The following ALKBH1 variants were observed in gnomAD, a reference collection of about 807,000 sequenced individuals.
ALKBH1 encodes nucleic acid dioxygenase ALKBH1.
Under a neutral mutation model 36.6 loss-of-function variants are expected in ALKBH1, and 31 were observed. That is an observed-to-expected ratio of 0.85 (90% CI 0.64 to 1.14). The LOEUF (loss-of-function observed/expected upper bound fraction) is 1.14, where lower values mean the gene tolerates loss of function less well. Among genes scored for constraint, ALKBH1 ranks in the 50% most tolerant of loss-of-function variants. The pLI is 0.00. For synonymous variants in ALKBH1, 183 were observed against 186.6 expected (o/e 0.98, Z 0.16); for missense variants, 490 against 497.3 (o/e 0.99, Z 0.14).
At chr14:77,706,110 T>C (rs965156340) in intron 1 of ALKBH1, among the ~76,000 whole-genome samples, 9 of 151,784 alleles carry the variant, frequency 5.9e-5, no homozygotes, top group African/African-American at 1.7e-4. Flanking sequence ...CACACACATA[T>C]ATATATATAT....
intron 3 of ALKBH1, among the ~76,000 whole-genome samples, chr14:77,688,553 C>CTTT (rs11395756): frequency 8.7e-5 from 11 of 125,918 alleles, no homozygotes; most frequent in African/African-American, 1.9e-4. Flanking sequence ...TGCACCCAGC[C>CTTT]TTTTTTTTTT....
chr14:77,707,221 G>A (rs758885104), intron 1 of ALKBH1, among the ~76,000 whole-genome samples: 4 of 152,218 alleles, frequency 2.6e-5, no homozygotes, highest in Non-Finnish European at 4.4e-5. Context: ...CGGGATTACA[G>A]GCTTGAGCCA....
intron 3 of ALKBH1, among the ~76,000 whole-genome samples, chr14:77,684,150 T>C (rs1232497044): frequency 1.3e-5 from 2 of 152,192 alleles, no homozygotes; most frequent in Non-Finnish European, 2.9e-5. Flanking sequence ...AGAAGGCTTG[T>C]TGAAACTCAC....
intron 3 of ALKBH1, among the ~76,000 whole-genome samples, chr14:77,690,962 CG>C (rs2080293857): frequency 6.6e-6 from 1 of 152,090 alleles, no homozygotes; most frequent in Non-Finnish European, 1.5e-5. Flanking sequence ...CCACCATGCC[CG>C]GCTAATTTTG....
intron 2 of ALKBH1, among the ~76,000 whole-genome samples, chr14:77,702,034 C>T (rs2139865618): frequency 6.6e-6 from 1 of 152,202 alleles, no homozygotes; most frequent in East Asian, 1.9e-4. Context: ...CGTGGTGGCT[C>T]ACGCCTGTAA....
intron 3 of ALKBH1, among the ~76,000 whole-genome samples, chr14:77,681,694 T>C (rs2080239010): frequency 6.6e-6 from 1 of 152,206 alleles, no homozygotes; most frequent in Non-Finnish European, 1.5e-5. Context: ...TCTGGAAGTG[T>C]TAAGAGTGGC....
chr14:77,700,598 T>C (rs766625739), intron 2 of ALKBH1, among the ~76,000 whole-genome samples: 8 of 152,184 alleles, frequency 5.3e-5, no homozygotes, highest in Admixed American at 3.9e-4. Context: ...TGGAAAAAGA[T>C]AGGAAACCCC....
intron 3 of ALKBH1, among the ~76,000 whole-genome samples, chr14:77,694,438 G>GA (rs1367281973): frequency 2.0e-5 from 3 of 152,046 alleles, no homozygotes; most frequent in Non-Finnish European, 4.4e-5. Context: ...ACTTTAAGTA[G>GA]AAAAAAATGG....
Position 77,673,618 on chromosome 14 carries a change from T to C in ALKBH1, c.*194A>G, listed in dbSNP as rs899231178. 3.3e-5 allele frequency: 20 copies of C among 603,078 alleles called. 1 individual carries two copies. The highest frequency in any genetic ancestry group is 2.1e-4 in the Admixed American group (7 of 33,020). The allele number at this position is 603,078 out of a possible 1,614,324, so 37.4% of individuals were successfully genotyped here. A position where few individuals can be genotyped will look rare whatever the true frequency, so the allele number is the denominator to read the frequency against. On this transcript the variant is annotated 3_prime_UTR_variant, in exon 6 of 6. Coordinates refer to ENST00000216489, the MANE Select transcript of ALKBH1 (RefSeq NM_006020.3). ...CCAACATGTAACTAGGAACAGACCA[T>C]GTCAAACACTTCTCTGAGCAAAGTG...
At chr14:77,688,455 C>T (rs1419465216) in intron 3 of ALKBH1, among the ~76,000 whole-genome samples, 1 of 151,860 alleles carries the variant, frequency 6.6e-6, no homozygotes, top group East Asian at 1.9e-4. Context: ...AGAGTTTCAC[C>T]ATGTTGGCCA....
chr14:77,683,203 T>C, intron 3 of ALKBH1: 2 of 695,856 alleles, frequency 2.9e-6, no homozygotes, highest in Non-Finnish European at 5.4e-6. Context: ...TAACACCTAT[T>C]ATGCTATGAA....
rs146873934 is a variant in ALKBH1, at chr14:77,672,768, T to C, written c.*1044A>G. ...AAATGTAAAGTAACCTGGACCATGA[T>C]ATAGTCAGTCAAATTGTTGGGGGTA... On this transcript the variant is annotated 3_prime_UTR_variant, in exon 6 of 6. Transcript: ENST00000216489. 2 of 152,312 alleles carry C rather than the reference T, an allele frequency of 1.3e-5. No homozygotes were observed. Among genetic ancestry groups the C allele is most frequent in the African/African-American group, 4.8e-5 (2 of 41,564 alleles). The allele number at this position is 152,312 out of a possible 1,614,324, so 9.4% of individuals were successfully genotyped here.
At chr14:77,676,603 A>T (rs2080207388) in intron 4 of ALKBH1, among the ~76,000 whole-genome samples, 1 of 152,230 alleles carries the variant, frequency 6.6e-6, no homozygotes. Flanking sequence ...AAGGAAATCT[A>T]AATGAAGTAC....
At chr14:77,693,074 C>T (rs1432882149) in intron 3 of ALKBH1, among the ~76,000 whole-genome samples, 4 of 151,768 alleles carry the variant, frequency 2.6e-5, no homozygotes, top group Non-Finnish European at 5.9e-5. Context: ...GGTGTGGTGG[C>T]GCTTGCCTGT....
chr14:77,697,440 C>T, intron 2 of ALKBH1: 1 of 163,712 alleles, frequency 6.1e-6, no homozygotes, highest in Non-Finnish European at 1.3e-5. Context: ...AGCAGACAGA[C>T]TGGTGGTTGA....
intron 3 of ALKBH1, among the ~76,000 whole-genome samples, chr14:77,689,906 G>C (rs759691184): frequency 2.0e-5 from 3 of 151,956 alleles, no homozygotes; most frequent in Non-Finnish European, 4.4e-5. Flanking sequence ...TTGTAGTTCC[G>C]GCTATTCAGG....
intron 3 of ALKBH1, among the ~76,000 whole-genome samples, chr14:77,686,812 T>TG (rs538294434): frequency 6.8e-4 from 103 of 152,256 alleles, no homozygotes; most frequent in African/African-American, 2.4e-3. Context: ...TTAGTAGAGA[T>TG]GGGGTTTCAC....
chr14:77,677,501 CTTCT>C (rs1158102444), intron 4 of ALKBH1, among the ~76,000 whole-genome samples: 17 of 152,218 alleles, frequency 1.1e-4, no homozygotes, highest in African/African-American at 3.9e-4. Context: ...TCTGCTCTCA[CTTCT>C]TTCTTTGCTA....
chr14:77,687,896 C>T (rs959606120), intron 3 of ALKBH1, among the ~76,000 whole-genome samples: 59 of 120,784 alleles, frequency 4.9e-4, no homozygotes, highest in East Asian at 1.4e-3. Context: ...ATGGCCTTTA[C>T]GTGTAACTCC....
Sources: gnomAD v4.1 joint callset for allele counts (sites outside exome capture counted in the v4.1 genomes callset) on GRCh38, gnomAD v4.1.1 for gene constraint, MANE v1.5 for transcripts, NCBI Gene and HGNC (gene_info 2026-07-23, HGNC 2026-07-21) for gene names.